Variants in TINAG observed in about 807,000 individuals in gnomAD.
The protein encoded by TINAG is tubulointerstitial nephritis antigen.
TINAG carries 83 observed loss-of-function variants against 72.7 expected under a neutral mutation model. The ratio of observed to expected loss-of-function variants is 1.14; its 90% CI spans 0.96 to 1.37. TINAG has a LOEUF of 1.37. Among genes scored for constraint, TINAG ranks in the 40% most tolerant of loss-of-function variants. The pLI is 0.00. For missense variants in TINAG, 685 were observed against 576.6 expected, an observed-to-expected ratio of 1.19 and a Z score of -1.93; for synonymous variants, 234 against 189.9, an observed-to-expected ratio of 1.23 and a Z score of -1.91.
At chr6:54,379,704 T>A (rs1321888833) in intron 9 of TINAG, among the ~76,000 whole-genome samples, 3 of 152,126 alleles carry the variant, frequency 2.0e-5, no homozygotes, top group African/African-American at 7.2e-5. Context: ...AGAGGATAAG[T>A]ATTTTAATCA....
intron 4 of TINAG, among the ~76,000 whole-genome samples, chr6:54,340,273 G>C (rs1784965810): frequency 1.3e-5 from 2 of 151,866 alleles, no homozygotes; most frequent in Admixed American, 1.3e-4. Flanking sequence ...AAAGAATTAA[G>C]CATATCTATA....
chr6:54,337,953 C>T (rs142401966), intron 4 of TINAG, among the ~76,000 whole-genome samples: 1 of 152,224 alleles, frequency 6.6e-6, no homozygotes, highest in East Asian at 1.9e-4. Flanking sequence ...GTATGATAGT[C>T]GTTCTTGCTG....
rs74755029 is a variant in TINAG, at chr6:54,353,447, G to A, written c.1127-1066G>A. ...AATAGAACCCTGAATGAATAACTTT[G>A]TGTACATTCTTCTAAAATCTGTAGG... is the stretch of plus-strand genomic sequence containing the variant. On this transcript the variant is annotated intron_variant, in intron 8 of 10. Coordinates refer to ENST00000259782, the MANE Select transcript of TINAG (RefSeq NM_014464.4). Among the ~76,000 whole-genome samples the A allele has an allele frequency of 2.0e-3, 302 of 151,950 alleles. 2 individuals carry two copies. Among genetic ancestry groups the A allele is most frequent in the African/African-American group, 6.9e-3 (286 of 41,520 alleles).
chr6:54,317,423 A>G (rs1012109464), intron 1 of TINAG, among the ~76,000 whole-genome samples: 7 of 152,034 alleles, frequency 4.6e-5, no homozygotes, highest in African/African-American at 1.7e-4. Flanking sequence ...CTGTTCTTGT[A>G]GTAGTGAATG....
At chr6:54,330,992 G>A (rs1179110976) in intron 4 of TINAG, among the ~76,000 whole-genome samples, 1 of 152,046 alleles carries the variant, frequency 6.6e-6, no homozygotes, top group Non-Finnish European at 1.5e-5. Flanking sequence ...AAAAGTCTAG[G>A]ACCAGACGAA....
intron 1 of TINAG, among the ~76,000 whole-genome samples, chr6:54,310,504 TTCTC>T (rs1384832788): frequency 6.7e-6 from 1 of 150,266 alleles, no homozygotes; most frequent in Non-Finnish European, 1.5e-5. Context: ...TCTTCTTTCT[TTCTC>T]TTTCTTTCTT....
At chr6:54,314,794 A>G (rs575622957) in intron 1 of TINAG, among the ~76,000 whole-genome samples, 4 of 152,292 alleles carry the variant, frequency 2.6e-5, no homozygotes, top group South Asian at 2.1e-4. Flanking sequence ...TACTTCTTCA[A>G]TATCCATTTT....
chr6:54,374,520 G>A (rs1763724107), intron 9 of TINAG, among the ~76,000 whole-genome samples: 1 of 151,996 alleles, frequency 6.6e-6, no homozygotes, highest in Admixed American at 6.6e-5. Flanking sequence ...CATTTACTAG[G>A]CATGAGCTTT....
chr6:54,328,229 C>T (rs923186727), intron 4 of TINAG, among the ~76,000 whole-genome samples: 4 of 152,084 alleles, frequency 2.6e-5, no homozygotes, highest in Admixed American at 1.3e-4. Flanking sequence ...CTGTGGCTGG[C>T]ATCCGGTGGG....
chr6:54,376,730 C>G (rs1419266815), intron 9 of TINAG, among the ~76,000 whole-genome samples: 6 of 152,056 alleles, frequency 3.9e-5, no homozygotes, highest in Admixed American at 6.6e-5. Flanking sequence ...TCTTAAATCA[C>G]TCTTTCATGG....
intron 4 of TINAG, among the ~76,000 whole-genome samples, 186 bp from the exon 5 acceptor site, chr6:54,343,040 C>T (rs538452794): frequency 6.6e-6 from 1 of 152,126 alleles, no homozygotes; most frequent in South Asian, 2.1e-4. Context: ...GTTATGAGTC[C>T]CCATATTGAA....
chr6:54,343,143 A>G (rs911058874), intron 4 of TINAG, 83 bp from the exon 5 acceptor site: 14 of 1,206,656 alleles, frequency 1.2e-5, no homozygotes, highest in Admixed American at 6.0e-5. Flanking sequence ...AAAAATAATT[A>G]TAACTTTATA....
intron 4 of TINAG, among the ~76,000 whole-genome samples, chr6:54,335,084 C>T (rs141497848): frequency 6.6e-6 from 1 of 152,116 alleles, no homozygotes; most frequent in South Asian, 2.1e-4. Context: ...CCACGGTGGG[C>T]CACACACTCA....
At position 54,334,806 on chromosome 6, in the gene TINAG, G is replaced by C. The variant is rs140649750; in HGVS notation, c.624+7890G>C. ...CGTTGGCCAATTCAGGTTCAAAGTAGTAAAAAGACTTTTAATCTCTCAACC... is the reference window on the plus strand; with the variant it reads ...CGTTGGCCAATTCAGGTTCAAAGTACTAAAAAGACTTTTAATCTCTCAACC... On this transcript the variant is annotated intron_variant, in intron 4 of 10. Transcript: ENST00000259782. Among the ~76,000 whole-genome samples, 940 of 152,250 alleles carry C rather than the reference G, an allele frequency of 6.2e-3. 7 individuals carry two copies. The highest frequency in any genetic ancestry group is 9.3e-3 in the Non-Finnish European group (634 of 68,020).
At chr6:54,383,133 T>G (rs1179857803) in intron 10 of TINAG, among the ~76,000 whole-genome samples, 1 of 152,102 alleles carries the variant, frequency 6.6e-6, no homozygotes, top group African/African-American at 2.4e-5. Context: ...TCAGATCAGA[T>G]CATTAAACTA....
intron 1 of TINAG, among the ~76,000 whole-genome samples, chr6:54,319,589 T>C (rs931937810): frequency 3.9e-5 from 6 of 152,134 alleles, no homozygotes; most frequent in Non-Finnish European, 5.9e-5. Flanking sequence ...ATGAAATATT[T>C]TTTATTACAA....
intron 1 of TINAG, among the ~76,000 whole-genome samples, chr6:54,313,120 T>C (rs1784295268): frequency 6.6e-6 from 1 of 152,116 alleles, no homozygotes; most frequent in African/African-American, 2.4e-5. Flanking sequence ...AAATAGAAAA[T>C]ACATGTTTAA....
chr6:54,377,703 T>C (rs1348135063), intron 9 of TINAG, among the ~76,000 whole-genome samples: 1 of 152,092 alleles, frequency 6.6e-6, no homozygotes, highest in Non-Finnish European at 1.5e-5. Context: ...CACTGACTTA[T>C]AAGAGAACAT....
At chr6:54,372,669 T>C (rs1176689401) in intron 9 of TINAG, among the ~76,000 whole-genome samples, 1 of 150,132 alleles carries the variant, frequency 6.7e-6, no homozygotes, top group Non-Finnish European at 1.5e-5. Context: ...AGATTACCAC[T>C]GCAGAATCTA....
Sources: gnomAD v4.1 joint callset for allele counts (sites outside exome capture counted in the v4.1 genomes callset) on GRCh38, gnomAD v4.1.1 for gene constraint, MANE v1.5 for transcripts, NCBI Gene and HGNC (gene_info 2026-07-23, HGNC 2026-07-21) for gene names.